Variants in ZNF510 observed in about 807,000 individuals in gnomAD.
ZNF510 encodes the protein zinc finger protein 510.
A neutral mutation model predicts 18.1 loss-of-function variants in ZNF510; 15 were observed. The ratio of observed to expected loss-of-function variants is 0.83; its 90% CI spans 0.55 to 1.28. ZNF510 has a LOEUF of 1.28. ZNF510 is among the 50% of genes most tolerant of loss of function. The pLI is 0.00. For missense variants in ZNF510, 724 were observed against 791.8 expected, an observed-to-expected ratio of 0.91 and a Z score of 1.03; for synonymous variants, 261 against 266.4, an observed-to-expected ratio of 0.98 and a Z score of 0.20.
In ZNF510 at chr9:96,759,537, T is replaced by C. The variant is rs774449419; in HGVS notation, c.1293A>G (p.Pro431=). ...QHQRTHTGEK[P]FECSECGKTF... is the part of the protein sequence containing the mutation. ...TTTTTCCACATTCACTACATTCAAA[T>C]GGTTTCTCTCCTGTGTGAGTTCTCT... The change falls in exon 6 of 6, where the codon CCA becomes CCG. Residue 431 remains proline (P), a synonymous_variant. Transcript: ENST00000223428. The C allele has an allele frequency of 3.1e-6, 5 of 1,613,932 alleles. No homozygotes were observed. In the Admixed American group the frequency reaches 6.7e-5, roughly 22 times the overall value.
In ZNF510 at chr9:96,755,866, A is replaced by C. The variant is rs1849183236; in HGVS notation, c.*2912T>G. The C allele has an allele frequency of 6.6e-6, 1 of 152,172 alleles. No individual in the cohort carries two copies. The highest frequency in any genetic ancestry group is 2.1e-4 in the South Asian group (1 of 4,832). 9.4% of individuals were successfully genotyped at this position (152,172 alleles called of 1,614,324 possible). ...ATCCAATGACATCAATGGAAGCGTC[A>C]GATAAAGAGACCTTTATTTTGTACA... On this transcript the variant is annotated 3_prime_UTR_variant, in exon 6 of 6. Transcript: ENST00000223428.
chr9:96,755,137 T>G lies in ZNF510; in HGVS notation c.*3641A>C. 6.6e-6 allele frequency among the ~76,000 whole-genome samples: 1 copy of G among 152,208 alleles called. No homozygotes were observed. The highest frequency in any genetic ancestry group is 1.9e-4 in the East Asian group (1 of 5,196). ...AAGCCTGAGTCCCCAGTCATGGGGC[T>G]TTGCCACCTGGCCTCCCAATGACTC... On this transcript the variant is annotated 3_prime_UTR_variant, in exon 6 of 6. Transcript: ENST00000223428.
chr9:96,763,585 C>T lies in ZNF510; in HGVS notation c.177G>A (p.Glu59=). 3.1e-6 allele frequency: 5 copies of T among 1,613,606 alleles called. No individual in the cohort carries two copies. Among genetic ancestry groups the T allele is most frequent in the Non-Finnish European group, 3.4e-6 (4 of 1,179,768 alleles). Reference sequence around the variant, plus strand: ...TCTGAACAGGGGCCATTTGCTGCCACTCCTCCTGGGTGAATTCTATAGTCA... The same window carrying T: ...TCTGAACAGGGGCCATTTGCTGCCATTCCTCCTGGGTGAATTCTATAGTCA... ...KDVTIEFTQE[E]WQQMAPVQKN... Residue 59 remains glutamate, a synonymous_variant, in exon 4 of 6, where the codon GAG becomes GAA. Transcript: ENST00000223428.
At position 96,776,140 on chromosome 9, in the gene ZNF510, C is replaced by T. The variant is rs577901704; in HGVS notation, c.-71G>A. The T allele has an allele frequency of 1.1e-4, 164 of 1,544,214 alleles. 4 individuals are homozygous for T. In the South Asian group the frequency reaches 1.9e-3, roughly 18 times the overall value. ...TGGTTGGGCAAATCAAGACCTGCTC[C>T]TTTCTGGGTTCTTCTGCATCTGTTT... On this transcript the variant is annotated 5_prime_UTR_variant, in exon 2 of 6. Coordinates refer to ENST00000223428, the MANE Select transcript of ZNF510 (RefSeq NM_014930.3).
intron 3 of ZNF510, among the ~76,000 whole-genome samples, chr9:96,766,643 TA>T (rs146108871): frequency 2.0e-5 from 3 of 150,106 alleles, no homozygotes; most frequent in Non-Finnish European, 3.0e-5. Flanking sequence ...CTTTGCACAT[TA>T]AAAAAAAAGG....
chr9:96,773,910 C>T (rs909056798), intron 3 of ZNF510, among the ~76,000 whole-genome samples: 1 of 152,116 alleles, frequency 6.6e-6, no homozygotes, highest in Non-Finnish European at 1.5e-5. Flanking sequence ...TTCACCCGGC[C>T]CCCGATGACA....
At position 96,759,599 on chromosome 9, in the gene ZNF510, TC is replaced by T. The variant is rs772700311; in HGVS notation, c.1230del (p.Lys411AsnfsTer260). ...MMKPYKCNEC[G>X]KSFCQKGHLI... ...AGATGTCCTTTCTGACAGAAGGATT[TC>T]CCACATTCATTACATTTATAGGGTT... On this transcript the variant is annotated frameshift_variant, in exon 6 of 6. Coordinates refer to ENST00000223428, the MANE Select transcript of ZNF510 (RefSeq NM_014930.3). LOFTEE classifies it low-confidence loss of function (END_TRUNC). The T allele has an allele frequency of 1.2e-6, 2 of 1,614,072 alleles. No individual in the cohort carries two copies. Among genetic ancestry groups the T allele is most frequent in the South Asian group, 1.1e-5 (1 of 91,088 alleles).
chr9:96,757,536 A>G lies in ZNF510; in HGVS notation c.*1242T>C, dbSNP rs1411357471. On this transcript the variant is annotated 3_prime_UTR_variant, in exon 6 of 6. Coordinates refer to ENST00000223428, the MANE Select transcript of ZNF510 (RefSeq NM_014930.3). Reference sequence around the variant, plus strand: ...TTACACAGAAGCTTTCTGCCTTCCTAGCAGAAGATAACTAAATTATGTGTA... The same window carrying G: ...TTACACAGAAGCTTTCTGCCTTCCTGGCAGAAGATAACTAAATTATGTGTA... 6.6e-6 allele frequency: 1 copy of G among 152,188 alleles called. No individual in the cohort carries two copies. The highest frequency in any genetic ancestry group is 1.9e-4 in the East Asian group (1 of 5,186). The allele number at this position is 152,188 out of a possible 1,614,324, so 9.4% of individuals were successfully genotyped here.
At chr9:96,774,733 G>A (rs987407557) in intron 3 of ZNF510, 55 bp downstream of exon 3, 6 of 1,437,848 alleles carry the variant, frequency 4.2e-6, no homozygotes, top group Non-Finnish European at 5.9e-6. Flanking sequence ...TTAATATGTG[G>A]ACCCTTAAAC....
chr9:96,764,801 AG>A (rs1273183899), intron 3 of ZNF510, among the ~76,000 whole-genome samples: 1 of 152,130 alleles, frequency 6.6e-6, no homozygotes, highest in East Asian at 1.9e-4. Context: ...GTAGACTTTA[AG>A]GTAAGAAAGA....
intron 3 of ZNF510, among the ~76,000 whole-genome samples, chr9:96,765,228 C>T (rs942189005): frequency 4.1e-4 from 63 of 152,206 alleles, no homozygotes; most frequent in African/African-American, 1.4e-3. Flanking sequence ...GCAAACATAG[C>T]GTCCAATTAG....
rs535446013 is a variant in ZNF510 at position 96,755,357 on chromosome 9, G to C, written c.*3421C>G. On this transcript the variant is annotated 3_prime_UTR_variant, in exon 6 of 6. Coordinates refer to ENST00000223428, the MANE Select transcript of ZNF510 (RefSeq NM_014930.3). ...TATATTAGGAAGTATTACAAAAACA[G>C]AGTAAACAGTGATGTTTTGATTCTC... Among the ~76,000 whole-genome samples the C allele has an allele frequency of 1.3e-5, 2 of 152,316 alleles. No homozygotes were observed. Among genetic ancestry groups the C allele is most frequent in the South Asian group, 4.1e-4 (2 of 4,822 alleles).
intron 3 of ZNF510, among the ~76,000 whole-genome samples, chr9:96,764,082 G>A (rs2117972313): frequency 6.6e-6 from 1 of 152,298 alleles, no homozygotes; most frequent in Non-Finnish European, 1.5e-5. Flanking sequence ...TGGTGACAGA[G>A]CAAGACCTTG....
At chr9:96,773,266 G>A (rs763819760) in intron 3 of ZNF510, among the ~76,000 whole-genome samples, 2 of 152,134 alleles carry the variant, frequency 1.3e-5, no homozygotes, top group African/African-American at 2.4e-5. Context: ...ACACACTTCA[G>A]AGTACACTTT....
Position 96,760,390 on chromosome 9 carries a change from G to A in ZNF510, c.440C>T (p.Thr147Ile). Reference sequence around the variant, plus strand: ...AACTTTCTCTTCCTCTGTAGTCAATGTTTTATTATTGATACATATTGCTTG... The same window carrying A: ...AACTTTCTCTTCCTCTGTAGTCAATATTTTATTATTGATACATATTGCTTG... ...LEQAICINNK[T>I]LTTEEEKVLG... The change falls in exon 6 of 6, where the codon ACA (threonine) becomes ATA (isoleucine). Residue 147 changes from threonine to isoleucine, a missense_variant. By Grantham distance (89) the Thr-to-Ile change is moderately conservative. Coordinates refer to ENST00000223428, the MANE Select transcript of ZNF510 (RefSeq NM_014930.3). 3 of 1,613,560 alleles carry A rather than the reference G, an allele frequency of 1.9e-6. No individual in the cohort carries two copies. The highest frequency in any genetic ancestry group is 2.7e-5 in the African/African-American group (2 of 74,978).
At position 96,776,252 on chromosome 9, in the gene ZNF510, C is replaced by T; in HGVS notation, c.-176-7G>A. The T allele has an allele frequency of 8.4e-7, 1 of 1,185,828 alleles. No homozygotes were observed. Among genetic ancestry groups the T allele is most frequent in the Non-Finnish European group, 1.1e-6 (1 of 896,954 alleles). The allele number at this position is 1,185,828 out of a possible 1,614,324, so 73.5% of individuals were successfully genotyped here. On this transcript the variant is annotated splice_region_variant and splice_polypyrimidine_tract_variant and intron_variant, in intron 1 of 5. Transcript: ENST00000223428. ...TCCTGGGGCTCCCTCCTTCCTGCAACATAAAGAGCTGCTTTGCTCCAGAGA... is the reference window on the plus strand; with the variant it reads ...TCCTGGGGCTCCCTCCTTCCTGCAATATAAAGAGCTGCTTTGCTCCAGAGA...
chr9:96,775,915 T>G, intron 2 of ZNF510, 85 bp downstream of exon 2: 1 of 1,523,692 alleles, frequency 6.6e-7, no homozygotes, highest in Admixed American at 2.0e-5. Flanking sequence ...ATGCCTTCCT[T>G]GGAGACCATG....
chr9:96,763,408 A>G, intron 4 of ZNF510, 98 bp downstream of exon 4: 2 of 1,449,668 alleles, frequency 1.4e-6, no homozygotes, highest in Non-Finnish European at 1.9e-6. Flanking sequence ...AAGCCTAAAT[A>G]ATTTAAACTT....
chr9:96,772,269 AT>A lies in ZNF510; in HGVS notation c.129+2518del, dbSNP rs201755911. The stretch of plus-strand genomic sequence containing the variant: ...TATACCAAACACAAAAGCTAACTCT[AT>A]GTAGATCAAGCTAAAATAAACAAGT... On this transcript the variant is annotated intron_variant, in intron 3 of 5. Coordinates refer to ENST00000223428, the MANE Select transcript of ZNF510 (RefSeq NM_014930.3). Among the ~76,000 whole-genome samples, 1,350 of 152,292 alleles carry A rather than the reference AT, an allele frequency of 8.9e-3. 23 individuals are homozygous for A. The highest frequency in any genetic ancestry group is 0.031 in the African/African-American group (1,291 of 41,566).
Sources: allele counts gnomAD v4.1 joint callset (sites outside exome capture counted in the v4.1 genomes callset), GRCh38; gene constraint gnomAD v4.1.1; transcripts MANE v1.5; gene names NCBI Gene and HGNC (gene_info 2026-07-23, HGNC 2026-07-21).